MID1: variants seen among roughly 807,000 people sequenced by gnomAD.
The protein encoded by MID1 is midline 1, also known as E3 ubiquitin-protein ligase Midline-1.
Under a neutral mutation model 40.4 loss-of-function variants are expected in MID1, and 7 were observed. The observed-to-expected ratio is 0.17, with a 90% CI of 0.10 to 0.33. MID1 has a LOEUF of 0.33. Ranked by LOEUF, MID1 falls within the 10% of genes least tolerant of loss-of-function variation. The pLI is 1.00. For synonymous variants in MID1, 229 were observed against 221.2 expected (o/e 1.04, Z -0.31); for missense variants, 367 against 558.5 (o/e 0.66, Z 3.46).
At chrX:10,629,204 A>ATT (rs35720735) in intron 1 of MID1, among the ~76,000 whole-genome samples, 25 of 101,265 alleles carry the variant, frequency 2.5e-4, no homozygotes, top group African/African-American at 2.9e-4. Context: ...CACTTTAATG[A>ATT]TTTTTTTTTT....
Position 10,447,082 on chromosome X carries a change from T to C in MID1, c.*2286A>G, listed in dbSNP as rs1026512753. The C allele has an allele frequency of 9.0e-6, 1 of 111,626 alleles. No individual in the cohort carries two copies. Among genetic ancestry groups the C allele is most frequent in the African/African-American group, 3.3e-5 (1 of 30,689 alleles). 9.2% of individuals were successfully genotyped at this position (111,626 alleles called of 1,213,427 possible). ...ACGGTGGCCTTTCACCATATACATA[T>C]TTTCCTGTAAATATGACAACCTGGA... is the stretch of plus-strand genomic sequence containing the variant. On this transcript the variant is annotated 3_prime_UTR_variant, in exon 10 of 10. Coordinates refer to ENST00000317552, the MANE Select transcript of MID1 (RefSeq NM_000381.4).
At chrX:10,661,343 C>T (rs1189051106) in intron 1 of MID1, among the ~76,000 whole-genome samples, 3 of 106,077 alleles carry the variant, frequency 2.8e-5, no homozygotes, top group Non-Finnish European at 5.8e-5. Flanking sequence ...GATGGAGTCT[C>T]GCTCTGCTGC....
chrX:10,460,444 C>A lies in MID1; in HGVS notation c.1286-637G>T, dbSNP rs190665132. The stretch of plus-strand genomic sequence containing the variant: ...TGCAGGATGTGGGTTGGGGAGCAGA[C>A]CGAGTATTTATGATGCTTGGAAGAA... On this transcript the variant is annotated intron_variant, in intron 7 of 9. Coordinates refer to ENST00000317552, the MANE Select transcript of MID1 (RefSeq NM_000381.4). Among the ~76,000 whole-genome samples the A allele has an allele frequency of 2.7e-5, 3 of 111,295 alleles. No homozygotes were observed. The East Asian group carries it at 8.5e-4, about 32-fold the overall frequency.
At chrX:10,555,179 G>A (rs1004213355) in intron 2 of MID1, among the ~76,000 whole-genome samples, 2 of 111,736 alleles carry the variant, frequency 1.8e-5, no homozygotes, top group South Asian at 3.7e-4. Flanking sequence ...TCCAGCCCGC[G>A]AACAGTAGAC....
intron 1 of MID1, among the ~76,000 whole-genome samples, chrX:10,797,709 TATACATG>T (rs1359107060): frequency 1.8e-5 from 2 of 111,723 alleles, no homozygotes; most frequent in African/African-American, 6.5e-5. Flanking sequence ...AAAGTAAACA[TATACATG>T]ATAGATACTA....
intron 1 of MID1, among the ~76,000 whole-genome samples, chrX:10,819,723 T>A (rs1389433075): frequency 8.9e-6 from 1 of 111,928 alleles, no homozygotes; most frequent in Non-Finnish European, 1.9e-5. Context: ...CTTCAAACTA[T>A]CATCTTCCAA....
chrX:10,608,991 T>C (rs777639260), intron 1 of MID1, among the ~76,000 whole-genome samples: 1 of 112,163 alleles, frequency 8.9e-6, no homozygotes, highest in Non-Finnish European at 1.9e-5. Context: ...ATATGCTTTT[T>C]TGGATTATAA....
chrX:10,638,659 GCTT>G (rs1936150495), intron 1 of MID1, among the ~76,000 whole-genome samples: 1 of 111,811 alleles, frequency 8.9e-6, no homozygotes, highest in Admixed American at 9.5e-5. Flanking sequence ...AGAGAGTAGT[GCTT>G]CTCCCAGCAT....
At chrX:10,500,783 T>C (rs73202011) in intron 3 of MID1, among the ~76,000 whole-genome samples, 3,152 of 112,229 alleles carry the variant, frequency 0.028, 36 homozygotes, top group Non-Finnish European at 0.045. Flanking sequence ...TCAGAAATCA[T>C]TGTGGCTGAT....
intron 1 of MID1, among the ~76,000 whole-genome samples, chrX:10,817,528 C>CTTTCTTTA (rs2044144459): frequency 1.1e-5 from 1 of 91,843 alleles, no homozygotes; most frequent in Non-Finnish European, 2.2e-5. Flanking sequence ...TTCTTTCTTT[C>CTTTCTTTA]TTTCTTTCTT....
intron 1 of MID1, among the ~76,000 whole-genome samples, chrX:10,644,120 G>A (rs770686202): frequency 3.6e-5 from 4 of 111,190 alleles, no homozygotes; most frequent in South Asian, 7.6e-4. Flanking sequence ...AAACCTGCAC[G>A]TTGTGCACAT....
At chrX:10,761,158 A>C (rs2147120231) in intron 1 of MID1, among the ~76,000 whole-genome samples, 1 of 111,639 alleles carries the variant, frequency 9.0e-6, no homozygotes, top group South Asian at 3.8e-4. Context: ...GATTCCTTTT[A>C]CCAAAATGTA....
intron 2 of MID1, among the ~76,000 whole-genome samples, chrX:10,558,111 A>T (rs1235321842): frequency 2.7e-5 from 3 of 110,522 alleles, no homozygotes; most frequent in Non-Finnish European, 5.7e-5. Flanking sequence ...AGAAAATGGT[A>T]AAAATGGCCT....
intron 1 of MID1, among the ~76,000 whole-genome samples, chrX:10,789,398 C>T (rs772922776): frequency 8.9e-6 from 1 of 112,409 alleles, no homozygotes; most frequent in East Asian, 2.8e-4. Context: ...GCATATATGA[C>T]ATGTTCCCAT....
chrX:10,613,357 T>C (rs745395876), intron 1 of MID1, among the ~76,000 whole-genome samples: 7 of 110,900 alleles, frequency 6.3e-5, no homozygotes, highest in Admixed American at 4.8e-4. Flanking sequence ...GAAAATGCTT[T>C]GTCCGGCACA....
At chrX:10,715,614 TA>T (rs1436486323) in intron 1 of MID1, among the ~76,000 whole-genome samples, 2 of 111,946 alleles carry the variant, frequency 1.8e-5, no homozygotes, top group African/African-American at 6.5e-5. Flanking sequence ...ACTCCACCTC[TA>T]GGGGCAGGGC....
At chrX:10,659,796 CTG>C in intron 1 of MID1, among the ~76,000 whole-genome samples, 1 of 111,790 alleles carries the variant, frequency 8.9e-6, no homozygotes, top group East Asian at 2.8e-4. Flanking sequence ...AACGTATGTG[CTG>C]TGTCTTTTGG....
intron 1 of MID1, among the ~76,000 whole-genome samples, chrX:10,667,609 A>G (rs1440629537): frequency 8.9e-6 from 1 of 112,199 alleles, no homozygotes; most frequent in East Asian, 2.8e-4. Context: ...TACACCTTTA[A>G]TAAGAGCACC....
At chrX:10,544,829 G>C (rs1411980834) in intron 2 of MID1, among the ~76,000 whole-genome samples, 2 of 112,624 alleles carry the variant, frequency 1.8e-5, no homozygotes, top group African/African-American at 6.5e-5. Context: ...AAGGCTAATA[G>C]ATGAGCTCAG....
Sources: allele counts gnomAD v4.1 joint callset (sites outside exome capture counted in the v4.1 genomes callset), GRCh38; gene constraint gnomAD v4.1.1; transcripts MANE v1.5; gene names NCBI Gene and HGNC (gene_info 2026-07-23, HGNC 2026-07-21).